RBFOX3: variants seen among roughly 807,000 people sequenced by gnomAD.
RBFOX3 encodes the protein RNA binding fox-1 homolog 3.
A neutral mutation model predicts 48.7 loss-of-function variants in RBFOX3; 17 were observed. The observed-to-expected ratio is 0.35, with a 90% CI of 0.24 to 0.52. The LOEUF is 0.52. RBFOX3 is among the 20% of genes least tolerant of loss of function. The probability of loss-of-function intolerance (pLI) is 0.94; values close to 1 mark genes in which losing one functional copy is unlikely to be tolerated. For synonymous variants in RBFOX3, 212 were observed against 209.5 expected, an observed-to-expected ratio of 1.01 and a Z score of -0.10; for missense variants, 382 against 497.5, an observed-to-expected ratio of 0.77 and a Z score of 2.21.
chr17:79,570,851 C>T (rs1365163008), intron 1 of RBFOX3, among the ~76,000 whole-genome samples: 2 of 152,218 alleles, frequency 1.3e-5, no homozygotes, highest in African/African-American at 4.8e-5. Context: ...GGCTGCTTTG[C>T]ATGCCTTGCA....
At chr17:79,457,623 G>T (rs1344264133) in intron 2 of RBFOX3, among the ~76,000 whole-genome samples, 2 of 152,194 alleles carry the variant, frequency 1.3e-5, no homozygotes, top group East Asian at 3.9e-4. Flanking sequence ...TGGCAGTGTG[G>T]CAGCACAGAG....
intron 2 of RBFOX3, among the ~76,000 whole-genome samples, chr17:79,447,829 T>C (rs1401017683): frequency 1.3e-5 from 2 of 152,190 alleles, no homozygotes; most frequent in African/African-American, 2.4e-5. Flanking sequence ...CTCATGTCGC[T>C]ACCCAAATAG....
At position 79,207,965 on chromosome 17, in the gene RBFOX3, C is replaced by T. The variant is rs942657874; in HGVS notation, c.-34+27801G>A. Among the ~76,000 whole-genome samples the T allele has an allele frequency of 3.9e-5, 6 of 152,278 alleles. No homozygotes were observed. In the South Asian group the frequency reaches 8.3e-4, roughly 21 times the overall value. Reference sequence around the variant, plus strand: ...TTTAAAACAGTATGGGCCACAAGTCCGGGACCGCGGGAGCCTCGGCAAGCC... The same window carrying T: ...TTTAAAACAGTATGGGCCACAAGTCTGGGACCGCGGGAGCCTCGGCAAGCC... On this transcript the variant is annotated intron_variant, in intron 4 of 14. Coordinates refer to ENST00000693108, the MANE Select transcript of RBFOX3 (RefSeq NM_001350451.2).
chr17:79,240,822 C>G (rs1411474541), intron 3 of RBFOX3, among the ~76,000 whole-genome samples: 1 of 152,106 alleles, frequency 6.6e-6, no homozygotes, highest in African/African-American at 2.4e-5. Context: ...CGCCACCACA[C>G]CCAGCTAATT....
At chr17:79,513,666 C>T (rs932692590) in intron 1 of RBFOX3, among the ~76,000 whole-genome samples, 2 of 152,208 alleles carry the variant, frequency 1.3e-5, no homozygotes, top group African/African-American at 4.8e-5. Context: ...GGGCAGGCTG[C>T]ATGATCTCTC....
At chr17:79,420,508 G>A (rs1220001954) in intron 2 of RBFOX3, among the ~76,000 whole-genome samples, 1 of 152,142 alleles carries the variant, frequency 6.6e-6, no homozygotes, top group South Asian at 2.1e-4. Context: ...TCCCTCCACA[G>A]CCATGTCCAG....
rs561404130 is a variant in RBFOX3, at chr17:79,390,912, C to T, written c.-174-83088G>A. The stretch of plus-strand genomic sequence containing the variant: ...GCCCCTGGTGGGACTGCTCGGGTGC[C>T]GGCAGGGAGTTCCTGGACCCACCCA... On this transcript the variant is annotated intron_variant, in intron 2 of 14. Transcript: ENST00000693108. The surrounding 1 kb of genome is among the most constrained non-coding windows in gnomAD (Gnocchi z 4.2). 3.9e-5 allele frequency among the ~76,000 whole-genome samples: 6 copies of T among 152,264 alleles called. No homozygotes were observed. The East Asian group carries it at 5.8e-4, about 15-fold the overall frequency.
At chr17:79,353,812 T>C (rs1344766585) in intron 2 of RBFOX3, among the ~76,000 whole-genome samples, 1 of 152,046 alleles carries the variant, frequency 6.6e-6, no homozygotes. Flanking sequence ...GGGCCCCCAC[T>C]GGCTTTCTCA....
chr17:79,170,487 G>A (rs1394337793), intron 4 of RBFOX3, among the ~76,000 whole-genome samples: 1 of 152,194 alleles, frequency 6.6e-6, no homozygotes, highest in East Asian at 1.9e-4. Context: ...GGCTGGGGGG[G>A]CAAGGCCTGG....
chr17:79,616,538 GAA>G, the RBFOX3 span, among the ~76,000 whole-genome samples: 8 of 102,560 alleles, frequency 7.8e-5, no homozygotes, highest in Admixed American at 1.0e-4. Context: ...TCCATCTCAA[GAA>G]AAAAAAAAAA....
intron 1 of RBFOX3, among the ~76,000 whole-genome samples, chr17:79,531,071 G>A (rs1047645426): frequency 2.9e-4 from 44 of 152,332 alleles, no homozygotes; most frequent in Admixed American, 8.5e-4. Context: ...GCTCCTCCCC[G>A]CCAGGACTTA....
intron 2 of RBFOX3, among the ~76,000 whole-genome samples, chr17:79,316,477 G>C (rs533650823): frequency 6.6e-6 from 1 of 152,182 alleles, no homozygotes; most frequent in Non-Finnish European, 1.5e-5. Flanking sequence ...GCCAGGGACT[G>C]TTACTCAGGA....
At chr17:79,448,343 T>C (rs782203168) in intron 2 of RBFOX3, among the ~76,000 whole-genome samples, 3 of 152,162 alleles carry the variant, frequency 2.0e-5, no homozygotes, top group African/African-American at 4.8e-5. Context: ...GCTGTGACCT[T>C]ATCTGGAATG....
chr17:79,358,830 C>T (rs1350749341), intron 2 of RBFOX3, among the ~76,000 whole-genome samples: 1 of 152,212 alleles, frequency 6.6e-6, no homozygotes, highest in East Asian at 1.9e-4. Flanking sequence ...CATTCCATTT[C>T]GCCATCAGGA....
chr17:79,465,044 C>G (rs563323078), intron 2 of RBFOX3, among the ~76,000 whole-genome samples: 5 of 152,346 alleles, frequency 3.3e-5, no homozygotes, highest in Admixed American at 6.5e-5. Flanking sequence ...ATGAGCTCAG[C>G]CTTCCGAAGG....
At chr17:79,538,090 C>T (rs542241896) in intron 1 of RBFOX3, among the ~76,000 whole-genome samples, 67 of 152,326 alleles carry the variant, frequency 4.4e-4, no homozygotes, top group African/African-American at 1.5e-3. Flanking sequence ...GCAGCTCTTC[C>T]CCTGAGCCAG....
intron 2 of RBFOX3, among the ~76,000 whole-genome samples, chr17:79,376,877 C>T (rs1032674925): frequency 2.6e-5 from 4 of 152,120 alleles, no homozygotes; most frequent in East Asian, 1.9e-4. Context: ...CCTGGAACCC[C>T]GAGATGTGGG....
chr17:79,419,543 G>A (rs183364430), intron 2 of RBFOX3, among the ~76,000 whole-genome samples: 42 of 152,324 alleles, frequency 2.8e-4, no homozygotes, highest in Admixed American at 1.3e-4. Context: ...CAGGCGCTCC[G>A]AGGTTCACAA....
intron 1 of RBFOX3, among the ~76,000 whole-genome samples, chr17:79,554,486 C>T (rs2091451705): frequency 6.6e-6 from 1 of 152,128 alleles, no homozygotes; most frequent in Non-Finnish European, 1.5e-5. Context: ...TCCATCTTCA[C>T]TCACAGTCAC....
Sources: gnomAD v4.1 joint callset for allele counts (sites outside exome capture counted in the v4.1 genomes callset) on GRCh38, gnomAD v4.1.1 for gene constraint, Gnocchi (gnomAD v3.1) non-coding constraint, MANE v1.5 for transcripts, NCBI Gene and HGNC (gene_info 2026-07-23, HGNC 2026-07-21) for gene names.